MGAT4C: variants seen among roughly 807,000 people sequenced by gnomAD.
MGAT4C encodes MGAT4 family member C, also known as alpha-1,3-mannosyl-glycoprotein 4-beta-N-acetylglucosaminyltransferase C.
A neutral mutation model predicts 40.1 loss-of-function variants in MGAT4C; 19 were observed. The observed-to-expected ratio is 0.47, with a 90% CI of 0.33 to 0.70. MGAT4C has a LOEUF of 0.70. MGAT4C is among the 30% of genes least tolerant of loss of function. The pLI is 0.02. For missense variants in MGAT4C, 491 were observed against 563.2 expected (o/e 0.87, Z 1.30); for synonymous variants, 181 against 187.1 (o/e 0.97, Z 0.27).
intron 4 of MGAT4C, among the ~76,000 whole-genome samples, chr12:86,268,177 A>C (rs1952837385): frequency 6.6e-6 from 1 of 152,162 alleles, no homozygotes; most frequent in African/African-American, 2.4e-5. Context: ...TGATGGCCTT[A>C]GAAATTATTG....
intron 2 of MGAT4C, among the ~76,000 whole-genome samples, chr12:86,712,452 C>T (rs945359043): frequency 3.3e-5 from 5 of 151,930 alleles, no homozygotes; most frequent in South Asian, 4.1e-4. Flanking sequence ...ACTCAAAAAA[C>T]GTGGGGAAAG....
intron 1 of MGAT4C, among the ~76,000 whole-genome samples, chr12:86,743,609 A>G (rs1951107235): frequency 6.6e-6 from 1 of 151,516 alleles, no homozygotes; most frequent in Non-Finnish European, 1.5e-5. Context: ...CAGGGATGAA[A>G]GCACAGAGGA....
At chr12:86,828,871 T>C (rs1164608440) in intron 1 of MGAT4C, among the ~76,000 whole-genome samples, 1 of 151,542 alleles carries the variant, frequency 6.6e-6, no homozygotes, top group Admixed American at 6.6e-5. Flanking sequence ...GGACTATAAG[T>C]GGACACGTGG....
intron 1 of MGAT4C, among the ~76,000 whole-genome samples, chr12:86,773,505 G>T (rs1247327583): frequency 1.3e-5 from 2 of 151,858 alleles, no homozygotes; most frequent in Non-Finnish European, 2.9e-5. Context: ...AATATAGAAG[G>T]CAACCAACAC....
intron 1 of MGAT4C, among the ~76,000 whole-genome samples, chr12:86,234,297 T>C (rs1951443606): frequency 6.6e-6 from 1 of 152,152 alleles, no homozygotes; most frequent in Admixed American, 6.6e-5. Flanking sequence ...GGGAAAAAAT[T>C]ACAAGTAAAG....
At chr12:86,611,530 T>C (rs1962280985) in intron 2 of MGAT4C, among the ~76,000 whole-genome samples, 1 of 151,722 alleles carries the variant, frequency 6.6e-6, no homozygotes, top group African/African-American at 2.4e-5. Flanking sequence ...CTCTGGACAG[T>C]TTACCTGAAA....
chr12:86,265,515 G>A (rs1426170648), intron 4 of MGAT4C, among the ~76,000 whole-genome samples: 1 of 152,118 alleles, frequency 6.6e-6, no homozygotes, highest in Non-Finnish European at 1.5e-5. Context: ...CTGTTCCATT[G>A]ATTTACGTGC....
intron 1 of MGAT4C, among the ~76,000 whole-genome samples, chr12:86,092,508 G>T (rs1227062043): frequency 2.6e-5 from 4 of 151,912 alleles, no homozygotes; most frequent in Non-Finnish European, 5.9e-5. Context: ...AAAAAAAGAC[G>T]CTAAAATATT....
At chr12:86,262,876 C>T (rs2136097848) in intron 4 of MGAT4C, among the ~76,000 whole-genome samples, 1 of 151,932 alleles carries the variant, frequency 6.6e-6, no homozygotes, top group Non-Finnish European at 1.5e-5. Flanking sequence ...TTTGTACTTC[C>T]AAAATTTTTG....
intron 2 of MGAT4C, among the ~76,000 whole-genome samples, chr12:86,019,029 T>C (rs916923965): frequency 1.3e-5 from 2 of 152,012 alleles, no homozygotes; most frequent in Admixed American, 6.6e-5. Flanking sequence ...TATATATAAA[T>C]TTTTTTCTGT....
intron 2 of MGAT4C, among the ~76,000 whole-genome samples, chr12:86,709,481 G>GA (rs1285503595): frequency 6.6e-6 from 1 of 151,864 alleles, no homozygotes; most frequent in African/African-American, 2.4e-5. Flanking sequence ...CAAAGTATTA[G>GA]AAAAAAATCT....
At chr12:86,682,229 G>A (rs1457358038) in intron 2 of MGAT4C, among the ~76,000 whole-genome samples, 1 of 151,956 alleles carries the variant, frequency 6.6e-6, no homozygotes, top group Non-Finnish European at 1.5e-5. Flanking sequence ...GTAAAACCAG[G>A]CAGTAGATAG....
intron 2 of MGAT4C, among the ~76,000 whole-genome samples, chr12:86,631,935 C>G (rs1963059714): frequency 6.6e-6 from 1 of 152,042 alleles, no homozygotes; most frequent in African/African-American, 2.4e-5. Context: ...AGCTTCTGCA[C>G]AGCAACAGAA....
At chr12:86,207,553 A>G (rs1254420957) in intron 1 of MGAT4C, among the ~76,000 whole-genome samples, 2 of 146,842 alleles carry the variant, frequency 1.4e-5, no homozygotes. Context: ...CAAAAATACA[A>G]TAACACTCTA....
chr12:86,286,552 C>G (rs1482510707), intron 4 of MGAT4C, among the ~76,000 whole-genome samples: 1 of 152,022 alleles, frequency 6.6e-6, no homozygotes, highest in Non-Finnish European at 1.5e-5. Context: ...ATATTCATGA[C>G]AGTTTATAGT....
chr12:86,581,989 G>T (rs1960796513), intron 2 of MGAT4C, among the ~76,000 whole-genome samples: 1 of 151,344 alleles, frequency 6.6e-6, no homozygotes. Context: ...GATTTTCTGG[G>T]ATATTCTGGT....
At chr12:86,567,470 T>C (rs1237685793) in intron 2 of MGAT4C, among the ~76,000 whole-genome samples, 1 of 152,164 alleles carries the variant, frequency 6.6e-6, no homozygotes, top group East Asian at 1.9e-4. Context: ...GAAATCAGTC[T>C]ACTACTCAAC....
At chr12:86,139,148 A>T (rs1399491274) in intron 1 of MGAT4C, among the ~76,000 whole-genome samples, 1 of 152,108 alleles carries the variant, frequency 6.6e-6, no homozygotes, top group Non-Finnish European at 1.5e-5. Flanking sequence ...TTATCCTTCT[A>T]TGATGTGTTT....
At chr12:86,575,061 CCACATGTACACACT>C (rs1960507692) in intron 2 of MGAT4C, among the ~76,000 whole-genome samples, 2 of 151,670 alleles carry the variant, frequency 1.3e-5, no homozygotes, top group Non-Finnish European at 3.0e-5. Flanking sequence ...CACACACAAA[CCACATGTACACACT>C]ATAAACATAA....
Sources: allele counts gnomAD v4.1 joint callset (sites outside exome capture counted in the v4.1 genomes callset), GRCh38; gene constraint gnomAD v4.1.1; transcripts MANE v1.5; gene names NCBI Gene and HGNC (gene_info 2026-07-23, HGNC 2026-07-21).